Variants in KDM6A observed in about 807,000 individuals in gnomAD.
The protein encoded by KDM6A is lysine demethylase 6A, also known as lysine-specific demethylase 6A.
KDM6A carries 11 observed loss-of-function variants against 117.6 expected under a neutral mutation model. The observed-to-expected ratio is 0.09, with a 90% confidence interval of 0.06 to 0.15. KDM6A has a LOEUF of 0.15. Among genes scored for constraint, KDM6A ranks in the 10% least tolerant of loss-of-function variants. The probability of loss-of-function intolerance (pLI) is 1.00; values close to 1 mark genes in which losing one functional copy is unlikely to be tolerated. For missense variants in KDM6A, 799 were observed against 1,077.3 expected (o/e 0.74, Z 3.62); for synonymous variants, 384 against 396.1 (o/e 0.97, Z 0.36).
chrX:44,908,292 A>G (rs1366473486), intron 2 of KDM6A, among the ~76,000 whole-genome samples: 1 of 111,665 alleles, frequency 9.0e-6, no homozygotes, highest in Non-Finnish European at 1.9e-5. Context: ...CTTGTTGCAT[A>G]ACAAACCACC....
Position 45,111,446 on chromosome X carries a change from G to C in KDM6A, c.*35G>C, listed in dbSNP as rs12009027. The C allele has an allele frequency of 2.8e-4, 317 of 1,129,023 alleles. 1 individual carries two copies. In the African/African-American group the frequency reaches 5.2e-3, roughly 19 times the overall value. The allele number at this position is 1,129,023 out of a possible 1,213,427, so 93.0% of individuals were successfully genotyped here. On this transcript the variant is annotated 3_prime_UTR_variant, in exon 30 of 30. Coordinates refer to ENST00000611820, the MANE Select transcript of KDM6A (RefSeq NM_001291415.2). ...ATGGACATTAAATGAGACCTTTTCTGCTATTCAGGAAATAACCCAGTTCTG... is the reference window on the plus strand; with the variant it reads ...ATGGACATTAAATGAGACCTTTTCTCCTATTCAGGAAATAACCCAGTTCTG...
At position 44,919,770 on chromosome X, in the gene KDM6A, C is replaced by A. The variant is rs1388928718; in HGVS notation, c.226-41514C>A. Among the ~76,000 whole-genome samples the A allele has an allele frequency of 4.6e-5, 5 of 109,723 alleles. 1 individual carries two copies. Among genetic ancestry groups the A allele is most frequent in the Admixed American group, 3.9e-4 (4 of 10,266 alleles). The stretch of plus-strand genomic sequence containing the variant: ...ATTCTCCTGTGTGCACCACCATGCC[C>A]AGCTAATTTATGTATTTTCAGTAGA... On this transcript the variant is annotated intron_variant, in intron 2 of 29. Coordinates refer to ENST00000611820, the MANE Select transcript of KDM6A (RefSeq NM_001291415.2).
At chrX:45,015,520 A>G (rs1171477173) in intron 5 of KDM6A, among the ~76,000 whole-genome samples, 2 of 111,357 alleles carry the variant, frequency 1.8e-5, no homozygotes, top group Non-Finnish European at 3.8e-5. Context: ...TGGGTTCAGT[A>G]AAGAAAAAGA....
chrX:45,068,829 C>CTTTCTCTTTCTCTTTCTCTTTCT (rs1569535225), intron 17 of KDM6A, among the ~76,000 whole-genome samples: 6 of 13,141 alleles, frequency 4.6e-4, no homozygotes, highest in Admixed American at 1.4e-3. Flanking sequence ...TTTCTCTTTC[C>CTTTCTCTTTCTCTTTCTCTTTCT]CTTTCCCTTT....
intron 8 of KDM6A, among the ~76,000 whole-genome samples, chrX:45,038,792 AT>A (rs1191126868): frequency 9.0e-6 from 1 of 111,627 alleles, no homozygotes; most frequent in African/African-American, 3.3e-5. Context: ...TAACACGTTC[AT>A]TTTAGGCAGT....
chrX:45,067,662 T>TTTTTG (rs2044595915), intron 17 of KDM6A, among the ~76,000 whole-genome samples: 3 of 98,306 alleles, frequency 3.1e-5, no homozygotes, highest in African/African-American at 1.3e-4. Context: ...TGTTTTTTTT[T>TTTTTG]TTTTTTTTGA....
intron 3 of KDM6A, among the ~76,000 whole-genome samples, chrX:44,963,343 A>G (rs1008631342): frequency 3.7e-5 from 4 of 108,593 alleles, no homozygotes; most frequent in Non-Finnish European, 5.7e-5. Context: ...CCTACCCTGG[A>G]GGCTGAAGTG....
At chrX:45,054,025 A>G (rs2043966010) in intron 10 of KDM6A, 70 bp downstream of exon 10, 1 of 1,057,937 alleles carries the variant, frequency 9.5e-7, no homozygotes. Context: ...ACAATTTAAA[A>G]TGTTAGTTTA....
At chrX:44,979,232 CA>C (rs1295988846) in intron 4 of KDM6A, among the ~76,000 whole-genome samples, 2 of 111,913 alleles carry the variant, frequency 1.8e-5, no homozygotes, top group Non-Finnish European at 3.8e-5. Flanking sequence ...TTGGTATTGT[CA>C]GTCTTTTTAA....
chrX:45,066,911 A>G (rs1370114693), intron 17 of KDM6A, among the ~76,000 whole-genome samples: 1 of 112,182 alleles, frequency 8.9e-6, no homozygotes, highest in Non-Finnish European at 1.9e-5. Context: ...TAGGAACTTT[A>G]CAATTTAAGT....
chrX:45,078,421 T>C lies in KDM6A; in HGVS notation c.3010T>C (p.Phe1004Leu), dbSNP rs1449473492. Reference sequence around the variant, plus strand: ...ACAGTTGGAAAATAAACGTGATGCTTTCTTTCCTCCATTACATCAATTTTG... The same window carrying C: ...ACAGTTGGAAAATAAACGTGATGCTCTCTTTCCTCCATTACATCAATTTTG... ...SIYLENKRDA[F>L]FPPLHQFCTN... The change falls in exon 20 of 30, where the codon TTC becomes CTC. Residue 1004 changes from phenylalanine to leucine, a missense_variant. Physicochemically the swap from Phe to Leu is conservative, Grantham distance 22. Transcript: ENST00000611820. 1 of 1,207,714 alleles carries C rather than the reference T, an allele frequency of 8.3e-7. No homozygotes were observed. The highest frequency in any genetic ancestry group is 2.2e-5 in the Admixed American group (1 of 45,614).
chrX:44,878,948 C>T (rs2031971168), intron 2 of KDM6A, among the ~76,000 whole-genome samples: 1 of 111,000 alleles, frequency 9.0e-6, no homozygotes, highest in Admixed American at 9.7e-5. Flanking sequence ...TCTCAAACTC[C>T]TGACCTCACG....
intron 27 of KDM6A, among the ~76,000 whole-genome samples, chrX:45,100,406 T>TTTC (rs1175477307): frequency 8.9e-6 from 1 of 112,083 alleles, no homozygotes; most frequent in African/African-American, 3.2e-5. Context: ...GGTAGTATGT[T>TTTC]TTCAATACAT....
At chrX:44,943,354 TAA>T (rs768361998) in intron 2 of KDM6A, among the ~76,000 whole-genome samples, 1 of 103,451 alleles carries the variant, frequency 9.7e-6, no homozygotes, top group Non-Finnish European at 1.9e-5. Flanking sequence ...ATTTTATTGC[TAA>T]AAAAAGTGTC....
At chrX:45,049,020 C>A (rs1569530577) in intron 8 of KDM6A, among the ~76,000 whole-genome samples, 1 of 111,283 alleles carries the variant, frequency 9.0e-6, no homozygotes, top group Admixed American at 9.5e-5. Flanking sequence ...CAGTACTGTT[C>A]AGAACATTAC....
chrX:44,898,941 G>C lies in KDM6A; in HGVS notation c.225+24954G>C, dbSNP rs55798409. Among the ~76,000 whole-genome samples, 8 of 104,671 alleles carry C rather than the reference G, an allele frequency of 7.6e-5. No individual in the cohort carries two copies. In the East Asian group the frequency reaches 2.1e-3, roughly 28 times the overall value. The allele number at this position is 104,671 out of a possible 115,157, so 90.9% of individuals were successfully genotyped here. ...GCTTCTTCTGCTTGGTGGTGGTGGT[G>C]GGGGGGTGTTAGATTAGCTGTATGC... On this transcript the variant is annotated intron_variant, in intron 2 of 29. Coordinates refer to ENST00000611820, the MANE Select transcript of KDM6A (RefSeq NM_001291415.2).
chrX:44,988,138 C>G (rs1433277217), intron 4 of KDM6A, among the ~76,000 whole-genome samples: 1 of 111,817 alleles, frequency 8.9e-6, no homozygotes, highest in Non-Finnish European at 1.9e-5. Flanking sequence ...AACTTCTCTT[C>G]TCACTTCATT....
chrX:45,102,623 G>A (rs188994140), intron 27 of KDM6A, among the ~76,000 whole-genome samples: 2 of 111,678 alleles, frequency 1.8e-5, no homozygotes, highest in African/African-American at 6.5e-5. Context: ...TAGTGCTGTA[G>A]TCCTGGTGGT....
intron 8 of KDM6A, among the ~76,000 whole-genome samples, chrX:45,040,858 G>A (rs1569528106): frequency 2.4e-5 from 2 of 84,320 alleles, no homozygotes; most frequent in African/African-American, 4.6e-5. Context: ...TGGGCGGCTG[G>A]CCGGGCGGGG....
Sources: gnomAD v4.1 joint callset for allele counts (sites outside exome capture counted in the v4.1 genomes callset) on GRCh38, gnomAD v4.1.1 for gene constraint, MANE v1.5 for transcripts, NCBI Gene and HGNC (gene_info 2026-07-23, HGNC 2026-07-21) for gene names.